NEK10: variants seen among roughly 807,000 people sequenced by gnomAD.
The protein encoded by NEK10 is serine/threonine-protein kinase Nek10.
In NEK10, 122 loss-of-function variants were observed where a neutral mutation model predicts 159.8. The observed-to-expected ratio is 0.76, with a 90% CI of 0.66 to 0.89. NEK10 has a LOEUF of 0.89. NEK10 is among the 40% of genes least tolerant of loss of function. The pLI is 0.00. For synonymous variants in NEK10, 466 were observed against 457.1 expected, an observed-to-expected ratio of 1.02 and a Z score of -0.25; for missense variants, 1,342 against 1,323.1, an observed-to-expected ratio of 1.01 and a Z score of -0.22.
At chr3:27,282,080 T>C (rs533710586) in intron 22 of NEK10, among the ~76,000 whole-genome samples, 1 of 152,246 alleles carries the variant, frequency 6.6e-6, no homozygotes, top group South Asian at 2.1e-4. Flanking sequence ...ACATTGAATA[T>C]TGACTTAACA....
At chr3:27,215,750 G>A (rs1951453635) in intron 23 of NEK10, 1 of 712,870 alleles carries the variant, frequency 1.4e-6, no homozygotes, top group Non-Finnish European at 2.6e-6. Flanking sequence ...AGGCTGTACA[G>A]GAACCATGAT....
intron 23 of NEK10, among the ~76,000 whole-genome samples, chr3:27,218,364 T>TG (rs1462153872): frequency 3.9e-5 from 6 of 152,124 alleles, no homozygotes; most frequent in Non-Finnish European, 1.5e-5. Context: ...CCCAGCACTT[T>TG]GGGAGACCAA....
intron 23 of NEK10, among the ~76,000 whole-genome samples, chr3:27,207,922 A>G (rs1473666600): frequency 6.6e-6 from 1 of 152,190 alleles, no homozygotes; most frequent in African/African-American, 2.4e-5. Context: ...TGTGCCAGTA[A>G]GTACCATTTA....
intron 9 of NEK10, 182 bp downstream of exon 9, chr3:27,310,767 C>A: frequency 2.2e-6 from 1 of 455,208 alleles, no homozygotes; most frequent in Non-Finnish European, 3.9e-6. Flanking sequence ...TATTATATCT[C>A]TATTAACTTG....
intron 23 of NEK10, among the ~76,000 whole-genome samples, chr3:27,226,748 A>G (rs1952688726): frequency 6.6e-6 from 1 of 152,220 alleles, no homozygotes; most frequent in Non-Finnish European, 1.5e-5. Flanking sequence ...TCTTAGAAAA[A>G]AAGATATATG....
intron 32 of NEK10, among the ~76,000 whole-genome samples, chr3:27,131,166 T>A (rs1942578792): frequency 1.3e-5 from 2 of 152,156 alleles, no homozygotes; most frequent in African/African-American, 2.4e-5. Context: ...TGAAACTTTT[T>A]AAAAAATATG....
At chr3:27,193,071 T>C (rs144126493) in intron 25 of NEK10, among the ~76,000 whole-genome samples, 255 of 152,350 alleles carry the variant, frequency 1.7e-3, no homozygotes, top group African/African-American at 5.7e-3. Flanking sequence ...GGTATGGTGT[T>C]TGAACGAGGT....
At chr3:27,367,607 T>C (rs1411178908) in intron 1 of NEK10, 2 of 152,256 alleles carry the variant, frequency 1.3e-5, no homozygotes, top group African/African-American at 4.8e-5. Flanking sequence ...CTTCTCATTT[T>C]AGAGATTCAG....
intron 23 of NEK10, among the ~76,000 whole-genome samples, chr3:27,247,426 T>C (rs1024944439): frequency 6.6e-6 from 1 of 152,246 alleles, no homozygotes; most frequent in African/African-American, 2.4e-5. Context: ...ATGTATCACA[T>C]TGATTGATTT....
Position 27,174,742 on chromosome 3 carries a change from T to A in NEK10, c.2597A>T (p.Glu866Val), listed in dbSNP as rs563430056. 34 of 1,613,778 alleles carry A rather than the reference T, an allele frequency of 2.1e-5. No homozygotes were observed. The South Asian group carries it at 3.7e-4, about 18-fold the overall frequency. Residue 866 changes from glutamate to valine, a missense_variant, in exon 27 of 36, where the codon GAA becomes GTA. Transcript: ENST00000691995. ...TTTACCATAGGAGGCCTGGAAGCCT[T>A]CAGGGGGCAGGTCTGCGCTTTCTGA... ...ELSESADLPP[E>V]GFQASYGKDE... is the part of the protein sequence containing the mutation.
chr3:27,208,512 C>G (rs13063897), intron 23 of NEK10, among the ~76,000 whole-genome samples: 35,744 of 152,004 alleles, frequency 0.24, 4,552 homozygotes, highest in Middle Eastern at 0.38. Flanking sequence ...AGACTGGAAG[C>G]CTGGACAAGC....
intron 23 of NEK10, among the ~76,000 whole-genome samples, chr3:27,239,394 T>G (rs1954303311): frequency 1.3e-5 from 2 of 152,150 alleles, no homozygotes; most frequent in South Asian, 4.1e-4. Context: ...GAAGGGAAGC[T>G]CCAGCATTTG....
chr3:27,290,065 T>C (rs932834431), intron 19 of NEK10, among the ~76,000 whole-genome samples: 2 of 152,226 alleles, frequency 1.3e-5, no homozygotes, highest in Admixed American at 1.3e-4. Flanking sequence ...CACAAAGAAA[T>C]TCCATTTCTC....
chr3:27,230,292 A>G (rs1953103682), intron 23 of NEK10, among the ~76,000 whole-genome samples: 1 of 152,080 alleles, frequency 6.6e-6, no homozygotes, highest in African/African-American at 2.4e-5. Context: ...TAAAGGAGAG[A>G]GAAAGTCTTT....
intron 32 of NEK10, among the ~76,000 whole-genome samples, chr3:27,127,639 T>C (rs527670578): frequency 1.0e-3 from 152 of 152,304 alleles, no homozygotes; most frequent in African/African-American, 3.6e-3. Context: ...ACCACTGTCA[T>C]ATATCCAGTC....
At chr3:27,241,084 A>G (rs1177578644) in intron 23 of NEK10, among the ~76,000 whole-genome samples, 1 of 152,142 alleles carries the variant, frequency 6.6e-6, no homozygotes, top group Non-Finnish European at 1.5e-5. Context: ...TGACTGGGGG[A>G]AAAAATTCTC....
chr3:27,108,320 G>A lies in NEK10; in HGVS notation c.*2952C>T, dbSNP rs571446264. ...ATTCATCCACAAGCAGTGGGTCCAA[G>A]TGTCCACGTCACTATTCCCTTGAAG... On this transcript the variant is annotated 3_prime_UTR_variant, in exon 36 of 36. Coordinates refer to ENST00000691995, the MANE Select transcript of NEK10 (RefSeq NM_001394966.1). Among the ~76,000 whole-genome samples the A allele has an allele frequency of 6.6e-6, 1 of 152,322 alleles. No individual in the cohort carries two copies. The highest frequency in any genetic ancestry group is 2.1e-4 in the South Asian group (1 of 4,824).
At chr3:27,166,401 G>A (rs918738136) in intron 29 of NEK10, among the ~76,000 whole-genome samples, 1 of 152,002 alleles carries the variant, frequency 6.6e-6, no homozygotes, top group Admixed American at 6.6e-5. Context: ...TTGTTTGTTT[G>A]TTTGTTTTAA....
intron 5 of NEK10, among the ~76,000 whole-genome samples, chr3:27,333,853 C>T (rs936479751): frequency 1.3e-5 from 2 of 152,154 alleles, no homozygotes; most frequent in East Asian, 1.9e-4. Flanking sequence ...AACAAGCAAC[C>T]ATGGGCTACC....
Sources: allele counts gnomAD v4.1 joint callset (sites outside exome capture counted in the v4.1 genomes callset), GRCh38; gene constraint gnomAD v4.1.1; transcripts MANE v1.5; gene names NCBI Gene and HGNC (gene_info 2026-07-23, HGNC 2026-07-21).